TPI1: variants seen among roughly 807,000 people sequenced by gnomAD.
TPI1 encodes the protein triosephosphate isomerase.
In TPI1, 11 loss-of-function variants were observed where a neutral mutation model predicts 31.0. The observed-to-expected ratio is 0.36, with a 90% CI of 0.22 to 0.59. The LOEUF is 0.59. Ranked by LOEUF, TPI1 falls within the 20% of genes least tolerant of loss-of-function variation. The pLI, the probability that TPI1 is intolerant of heterozygous loss-of-function variation, is 0.79. For missense variants in TPI1, 245 were observed against 319.7 expected (o/e 0.77, Z 1.78); for synonymous variants, 121 against 122.8 (o/e 0.99, Z 0.10).
intron 1 of TPI1, chr12:6,868,491 C>G (rs1944509896): frequency 7.8e-7 from 1 of 1,283,886 alleles, no homozygotes; most frequent in Middle Eastern, 3.3e-4. Flanking sequence ...GCTACAAATC[C>G]TTGCCTTGCA....
At position 6,869,358 on chromosome 12, in the gene TPI1, A is replaced by T. The variant is rs1322895003; in HGVS notation, c.425A>T (p.Lys142Met). The change falls in exon 4 of 7, where the codon AAG (lysine) becomes ATG (methionine). Residue 142 changes from lysine (K) to methionine (M), a missense_variant. Transcript: ENST00000396705. ...LDEREAGITE[K>M]VVFEQTKVIA... ...GAAAGGGAAGCTGGCATCACTGAGAAGGTTGTTTTCGAGCAGACAAAGGTC... is the reference window on the plus strand; with the variant it reads ...GAAAGGGAAGCTGGCATCACTGAGATGGTTGTTTTCGAGCAGACAAAGGTC... The T allele has an allele frequency of 3.3e-5, 53 of 1,613,988 alleles. No homozygotes were observed. In the Admixed American group the frequency reaches 8.7e-4, roughly 26 times the overall value.
Position 6,868,924 on chromosome 12 carries a change from A to G in TPI1, c.176A>G (p.Lys59Arg), listed in dbSNP as rs782626649. The G allele has an allele frequency of 3.1e-6, 5 of 1,614,108 alleles. No homozygotes were observed. In the South Asian group the frequency reaches 3.3e-5, roughly 11 times the overall value. Reference sequence around the variant, plus strand: ...TTCGCCCGGCAGAAGCTAGATCCCAAGATTGCTGTGGCTGCGCAGAACTGC... The same window carrying G: ...TTCGCCCGGCAGAAGCTAGATCCCAGGATTGCTGTGGCTGCGCAGAACTGC... ...IDFARQKLDPKIAVAAQNCYK... is the reference protein window; with the variant it reads ...IDFARQKLDPRIAVAAQNCYK... Residue 59 changes from lysine to arginine, a missense_variant, in exon 2 of 7, where the codon AAG (lysine) becomes AGG (arginine). Around this residue, in one of 3 missense-constraint regions of TPI1, gnomAD observed 95 missense variants for 96.4 expected, o/e 0.99. Coordinates refer to ENST00000396705, the MANE Select transcript of TPI1 (RefSeq NM_000365.6).
At chr12:6,867,753 C>T (rs1944489952) in intron 1 of TPI1, 72 bp downstream of exon 1, 2 of 1,332,308 alleles carry the variant, frequency 1.5e-6, no homozygotes, top group Non-Finnish European at 2.0e-6. Flanking sequence ...GCGCCCTCTC[C>T]CGAGGCCCCG....
rs1555132634 is a variant in TPI1 at position 6,870,357 on chromosome 12, G to A, written c.724G>A (p.Val242Met). 3.1e-6 allele frequency: 5 copies of A among 1,613,782 alleles called. No homozygotes were observed. The highest frequency in any genetic ancestry group is 1.3e-5 in the African/African-American group (1 of 74,992). The change falls in exon 7 of 7, where the codon GTG becomes ATG. Residue 242 changes from valine (V) to methionine (M), a missense_variant. By Grantham distance (21) the Val-to-Met change is conservative. Transcript: ENST00000396705. ...TGGTGCTTCCCTCAAGCCCGAATTC[G>A]TGGACATCATCAATGCCAAACAATG... ...VGGASLKPEF[V>M]DIINAKQ
chr12:6,868,071 C>G (rs998155713), intron 1 of TPI1: 12 of 1,232,382 alleles, frequency 9.7e-6, no homozygotes, highest in Non-Finnish European at 2.1e-6. Flanking sequence ...CCTGGCCTCC[C>G]GCGCCGTGCG....
In TPI1 at chr12:6,870,710, C is replaced by T. The variant is rs1376071608; in HGVS notation, c.*327C>T. The stretch of plus-strand genomic sequence containing the variant: ...CAGAAGAGAAACCATCCTCTCCCTT[C>T]TTACACCGTGAGGCCAAGATCCCCT... On this transcript the variant is annotated 3_prime_UTR_variant, in exon 7 of 7. Coordinates refer to ENST00000396705, the MANE Select transcript of TPI1 (RefSeq NM_000365.6). The T allele has an allele frequency of 5.3e-6, 3 of 570,804 alleles. No homozygotes were observed. The highest frequency in any genetic ancestry group is 1.0e-5 in the Non-Finnish European group (3 of 295,912). The allele number at this position is 570,804 out of a possible 1,614,324, so 35.4% of individuals were successfully genotyped here. A position where few individuals can be genotyped will look rare whatever the true frequency, so the allele number is the denominator to read the frequency against.
At chr12:6,869,461 G>A (rs1944535165) in intron 4 of TPI1, 71 bp downstream of exon 4, 1 of 1,608,494 alleles carries the variant, frequency 6.2e-7, no homozygotes, top group Non-Finnish European at 8.5e-7. Flanking sequence ...GTCAGGCCCT[G>A]GAGCCTGTCT....
chr12:6,867,786 G>A, intron 1 of TPI1, 105 bp downstream of exon 1: 1 of 1,246,744 alleles, frequency 8.0e-7, no homozygotes, highest in African/African-American at 1.6e-5. Context: ...CGGTATCCGC[G>A]CGGACCTGAT....
intron 5 of TPI1, 105 bp downstream of exon 5, chr12:6,869,878 T>G (rs1204737210): frequency 4.8e-6 from 7 of 1,456,690 alleles, no homozygotes; most frequent in Non-Finnish European, 6.7e-6. Flanking sequence ...ACAGAGACCT[T>G]GAACCCAGAG....
chr12:6,869,223 A>T (rs781855208), intron 3 of TPI1, 35 bp from the exon 4 acceptor site: 2 of 1,614,012 alleles, frequency 1.2e-6, no homozygotes, highest in Non-Finnish European at 1.7e-6. Flanking sequence ...GTCTTTTTCC[A>T]AGAAGGATGT....
chr12:6,870,900 C>T lies in TPI1; in HGVS notation c.*517C>T, dbSNP rs1262681599. 13 of 610,462 alleles carry T rather than the reference C, an allele frequency of 2.1e-5. No homozygotes were observed. The highest frequency in any genetic ancestry group is 3.9e-5 in the Non-Finnish European group (13 of 335,058). The allele number at this position is 610,462 out of a possible 1,614,324, so 37.8% of individuals were successfully genotyped here. On this transcript the variant is annotated 3_prime_UTR_variant, in exon 7 of 7. Transcript: ENST00000396705. ...TTTTTGAGGCAGCTATATAAATGAT[C>T]ATTTGTGCAAGAAAAAAAAAAAAAC...
Position 6,867,656 on chromosome 12 carries a change from C to A in TPI1, c.90C>A (p.Asn30Lys). 1 of 1,610,774 alleles carries A rather than the reference C, an allele frequency of 6.2e-7. No individual in the cohort carries two copies. The highest frequency in any genetic ancestry group is 8.5e-7 in the Non-Finnish European group (1 of 1,178,958). Residue 30 changes from asparagine (N) to lysine (K), a missense_variant, in exon 1 of 7, where the codon AAC becomes AAA. This residue lies in a region of TPI1 where 95 missense variants were observed against 96.4 expected (regional missense o/e 0.99). Transcript: ENST00000396705. ...QSLGELIGTL[N>K]AAKVPADTEV... ...TGGGGGAGCTCATCGGCACTCTGAA[C>A]GCGGCCAAGGTGCCGGCCGACACCG...
At chr12:6,869,537 A>C in intron 4 of TPI1, 147 bp downstream of exon 4, 1 of 1,484,040 alleles carries the variant, frequency 6.7e-7, no homozygotes, top group Non-Finnish European at 9.4e-7. Context: ...CTTGGGGCCT[A>C]TGACTTCTCC....
Position 6,869,107 on chromosome 12 carries a change from T to C in TPI1, c.248T>C (p.Met83Thr), listed in dbSNP as rs1337396876. The change falls in exon 3 of 7, where the codon ATG becomes ACG. Residue 83 changes from methionine (M) to threonine (T), a missense_variant. Physicochemically the swap from Met to Thr is moderately conservative, Grantham distance 81 (BLOSUM62 -1). Transcript: ENST00000396705. ...TTCATCTCTTCCTTTAGCCCTGGCA[T>C]GATCAAAGACTGCGGAGCCACGTGG... ...GAFTGEISPG[M>T]IKDCGATWVV... 1.2e-6 allele frequency: 2 copies of C among 1,614,182 alleles called. No homozygotes were observed. The highest frequency in any genetic ancestry group is 4.5e-5 in the East Asian group (2 of 44,886).
At chr12:6,868,133 C>T (rs1555131772) in intron 1 of TPI1, 1 of 1,268,508 alleles carries the variant, frequency 7.9e-7, no homozygotes, top group Non-Finnish European at 1.0e-6. Context: ...GTCCGCGTCC[C>T]CGCGCCGAGC....
intron 1 of TPI1, chr12:6,868,331 C>T (rs1555131880): frequency 7.8e-7 from 1 of 1,287,756 alleles, no homozygotes; most frequent in Admixed American, 2.3e-5. Flanking sequence ...TAGGTCTCTG[C>T]CACCCACGGG....
At position 6,869,089 on chromosome 12, in the gene TPI1, C is replaced by T. The variant is rs1555132118; in HGVS notation, c.240-10C>T. Reference sequence around the variant, plus strand: ...TCCCTGCTGAACCTTGGCTTCATCTCTTCCTTTAGCCCTGGCATGATCAAA... The same window carrying T: ...TCCCTGCTGAACCTTGGCTTCATCTTTTCCTTTAGCCCTGGCATGATCAAA... On this transcript the variant is annotated splice_polypyrimidine_tract_variant and intron_variant, in intron 2 of 6. Coordinates refer to ENST00000396705, the MANE Select transcript of TPI1 (RefSeq NM_000365.6). The T allele has an allele frequency of 6.2e-7, 1 of 1,614,206 alleles. No homozygotes were observed. The highest frequency in any genetic ancestry group is 1.7e-5 in the Admixed American group (1 of 60,024).
At chr12:6,868,463 G>T (rs781787665) in intron 1 of TPI1, 10 of 1,287,754 alleles carry the variant, frequency 7.8e-6, no homozygotes, top group South Asian at 1.2e-5. Context: ...AACCCCAGGA[G>T]TTGGCCCCTC....
At chr12:6,868,164 C>CA (rs1944501273) in intron 1 of TPI1, 3 of 1,287,500 alleles carry the variant, frequency 2.3e-6, no homozygotes, top group Non-Finnish European at 3.0e-6. Context: ...CCCTGAGCCC[C>CA]AGATCTGACC....
Sources: gnomAD v4.1 joint callset for allele counts on GRCh38, gnomAD v4.1.1 for gene constraint, gnomAD v4.1.1 regional missense constraint, MANE v1.5 for transcripts, NCBI Gene and HGNC (gene_info 2026-07-23, HGNC 2026-07-21) for gene names.